The following MAP3K13 variants were observed in gnomAD, a reference collection of about 807,000 sequenced individuals.
MAP3K13 encodes the protein leucine zipper-bearing kinase.
In MAP3K13, 52 loss-of-function variants were observed where a neutral mutation model predicts 104.0. The ratio of observed to expected loss-of-function variants is 0.50; its 90% CI spans 0.40 to 0.63. MAP3K13 has a LOEUF of 0.63. Among genes scored for constraint, MAP3K13 ranks in the 20% least tolerant of loss-of-function variants. The pLI is 0.00. For missense variants in MAP3K13, 914 were observed against 1,218.5 expected (o/e 0.75, Z 3.72); for synonymous variants, 394 against 442.2 (o/e 0.89, Z 1.37).
At chr3:185,388,481 G>A (rs1226420124) in intron 1 of MAP3K13, among the ~76,000 whole-genome samples, 1 of 152,066 alleles carries the variant, frequency 6.6e-6, no homozygotes, top group African/African-American at 2.4e-5. Flanking sequence ...CAGCCTAGGT[G>A]ACAGAGTGAG....
At chr3:185,376,360 T>C (rs1319199333) in intron 1 of MAP3K13, among the ~76,000 whole-genome samples, 1 of 151,998 alleles carries the variant, frequency 6.6e-6, no homozygotes, top group Non-Finnish European at 1.5e-5. Context: ...TTGAGCATAG[T>C]TTGTGATTTT....
chr3:185,364,640 T>TA (rs1424881345), intron 1 of MAP3K13, among the ~76,000 whole-genome samples: 1 of 152,220 alleles, frequency 6.6e-6, no homozygotes, highest in Non-Finnish European at 1.5e-5. Flanking sequence ...ATTTCAAACT[T>TA]ATCATACCTG....
chr3:185,391,206 C>A (rs1278510663), intron 1 of MAP3K13, among the ~76,000 whole-genome samples: 2 of 152,186 alleles, frequency 1.3e-5, no homozygotes, highest in Non-Finnish European at 2.9e-5. Context: ...ATACTCCGTA[C>A]CCATTAACCA....
intron 10 of MAP3K13, among the ~76,000 whole-genome samples, chr3:185,468,794 A>T (rs1233750601): frequency 6.6e-6 from 1 of 152,194 alleles, no homozygotes; most frequent in Non-Finnish European, 1.5e-5. Flanking sequence ...CACCTGACAC[A>T]ATCCTTGGGG....
At chr3:185,417,393 T>A (rs1713839892) in intron 1 of MAP3K13, 1 of 1,219,388 alleles carries the variant, frequency 8.2e-7, no homozygotes, top group African/African-American at 1.5e-5. Flanking sequence ...TTTTCTTTTC[T>A]TTTCTTTTCT....
chr3:185,307,830 C>G (rs1577410128), intron 2 of MAP3K13, among the ~76,000 whole-genome samples: 2 of 152,064 alleles, frequency 1.3e-5, no homozygotes, highest in Admixed American at 1.3e-4. Context: ...GCATGAGCCA[C>G]CACACCCAGC....
chr3:185,330,242 A>G (rs1413866538), intron 2 of MAP3K13, among the ~76,000 whole-genome samples: 1 of 151,804 alleles, frequency 6.6e-6, no homozygotes, highest in African/African-American at 2.4e-5. Context: ...TGCTCAGAAG[A>G]GAGATTATTT....
chr3:185,354,977 A>G (rs1052737141), intron 2 of MAP3K13, among the ~76,000 whole-genome samples: 2 of 152,192 alleles, frequency 1.3e-5, no homozygotes, highest in South Asian at 2.1e-4. Context: ...GATAAAAGCT[A>G]TATTAGACGA....
intron 2 of MAP3K13, among the ~76,000 whole-genome samples, chr3:185,356,844 A>G (rs1723374462): frequency 1.3e-5 from 2 of 151,878 alleles, no homozygotes; most frequent in Non-Finnish European, 2.9e-5. Flanking sequence ...TCAAATGGGG[A>G]TGATACAGAG....
chr3:185,338,223 G>A (rs1046591831), intron 2 of MAP3K13, among the ~76,000 whole-genome samples: 4 of 151,452 alleles, frequency 2.6e-5, no homozygotes, highest in African/African-American at 4.9e-5. Context: ...CCAGCTACAC[G>A]GGAGGCTGAG....
chr3:185,330,559 G>C (rs1325026984), intron 2 of MAP3K13, among the ~76,000 whole-genome samples: 6 of 152,178 alleles, frequency 3.9e-5, no homozygotes, highest in African/African-American at 1.4e-4. Flanking sequence ...GTTGGTTGAG[G>C]AGAAGGAGTG....
In MAP3K13 at chr3:185,484,683, A is replaced by G. The variant is rs1166163506; in HGVS notation, c.*2227A>G. The G allele has an allele frequency of 6.6e-6, 1 of 152,276 alleles. No homozygotes were observed. Among genetic ancestry groups the G allele is most frequent in the Admixed American group, 6.5e-5 (1 of 15,292 alleles). The allele number at this position is 152,276 out of a possible 1,614,324, so 9.4% of individuals were successfully genotyped here. On this transcript the variant is annotated 3_prime_UTR_variant, in exon 14 of 14. Transcript: ENST00000265026. ...ATGAAGGAAAATGTTTAATTTATAC[A>G]AAGAGCAGTATTGTTTGCATTAATT...
intron 7 of MAP3K13, 145 bp from the exon 8 acceptor site, chr3:185,463,405 T>C: frequency 5.5e-6 from 3 of 548,070 alleles, no homozygotes; most frequent in Non-Finnish European, 1.0e-5. Flanking sequence ...TTGCTATTAA[T>C]CAAATCATAT....
chr3:185,313,913 A>G (rs551482285), intron 2 of MAP3K13, among the ~76,000 whole-genome samples: 1 of 152,328 alleles, frequency 6.6e-6, no homozygotes, highest in East Asian at 1.9e-4. Context: ...TCTGATGGGG[A>G]ATGCTGCTCT....
At chr3:185,349,352 G>C (rs1455228576) in intron 2 of MAP3K13, among the ~76,000 whole-genome samples, 1 of 152,018 alleles carries the variant, frequency 6.6e-6, no homozygotes, top group African/African-American at 2.4e-5. Context: ...TCACGTATAA[G>C]TGAAAACGTG....
intron 7 of MAP3K13, among the ~76,000 whole-genome samples, chr3:185,452,744 G>A (rs769423633): frequency 6.6e-5 from 10 of 152,158 alleles, no homozygotes; most frequent in Non-Finnish European, 1.3e-4. Context: ...ATTAGCTAGA[G>A]CACCTTGCTT....
chr3:185,340,146 A>G (rs986539650), intron 2 of MAP3K13, among the ~76,000 whole-genome samples: 1 of 152,210 alleles, frequency 6.6e-6, no homozygotes, highest in Admixed American at 6.5e-5. Flanking sequence ...CATTGTCAGC[A>G]TTATACTGAG....
At chr3:185,334,198 A>G (rs962492780) in intron 2 of MAP3K13, among the ~76,000 whole-genome samples, 5 of 152,222 alleles carry the variant, frequency 3.3e-5, no homozygotes, top group Non-Finnish European at 5.9e-5. Flanking sequence ...ATATATATAT[A>G]CCATGATCAT....
At position 185,480,508 on chromosome 3, in the gene MAP3K13, T is replaced by C. The variant is rs992613146; in HGVS notation, c.2778T>C (p.Cys926=). The C allele has an allele frequency of 6.2e-7, 1 of 1,613,518 alleles. No individual in the cohort carries two copies. The highest frequency in any genetic ancestry group is 1.3e-5 in the African/African-American group (1 of 74,868). The change falls in exon 13 of 14, where the codon TGT becomes TGC. Residue 926 remains cysteine (C), a synonymous_variant. Coordinates refer to ENST00000265026, the MANE Select transcript of MAP3K13 (RefSeq NM_004721.5). ...CTCAGATGTCTCTGGGCAAGCTGTG[T>C]GTGGAGGAACGTGGCTATGAGGTGG... ...VKTQMSLGKL[C]VEERGYENPM...
Sources: gnomAD v4.1 joint callset for allele counts (sites outside exome capture counted in the v4.1 genomes callset) on GRCh38, gnomAD v4.1.1 for gene constraint, MANE v1.5 for transcripts, NCBI Gene and HGNC (gene_info 2026-07-23, HGNC 2026-07-21) for gene names.